Variants in WLS observed in about 807,000 individuals in gnomAD.
The protein encoded by WLS is Wnt ligand secretion mediator.
Under a neutral mutation model 62.8 loss-of-function variants are expected in WLS, and 23 were observed. The observed-to-expected ratio is 0.37, with a 90% CI of 0.26 to 0.52. The LOEUF (loss-of-function observed/expected upper bound fraction) is 0.52. Ranked by LOEUF, WLS falls within the 20% of genes least tolerant of loss-of-function variation. The pLI, the probability that WLS is intolerant of heterozygous loss-of-function variation, is 0.92. For missense variants in WLS, 615 were observed against 697.3 expected (o/e 0.88, Z 1.33); for synonymous variants, 246 against 244.1 (o/e 1.01, Z -0.07).
intron 2 of WLS, among the ~76,000 whole-genome samples, chr1:68,178,383 A>C (rs59393705): frequency 0.11 from 15,997 of 152,180 alleles, 1,154 homozygotes; most frequent in East Asian, 0.34. Flanking sequence ...AACAATGAAC[A>C]ACACAGTGTC....
intron 1 of WLS, among the ~76,000 whole-genome samples, chr1:68,230,430 C>T: frequency 6.6e-6 from 1 of 152,132 alleles, no homozygotes; most frequent in African/African-American, 2.4e-5. Context: ...TAATTGTAAC[C>T]GCTGCATAAT....
intron 5 of WLS, among the ~76,000 whole-genome samples, chr1:68,152,192 T>C (rs1570899332): frequency 1.3e-5 from 2 of 152,314 alleles, no homozygotes; most frequent in South Asian, 2.1e-4. Flanking sequence ...TCTTGGTACA[T>C]GTGACATTTT....
At chr1:68,174,505 G>A (rs1263221464) in intron 2 of WLS, among the ~76,000 whole-genome samples, 4 of 152,124 alleles carry the variant, frequency 2.6e-5, no homozygotes, top group Admixed American at 6.5e-5. Context: ...CTATAAAGAA[G>A]GTGGATGAAG....
intron 2 of WLS, among the ~76,000 whole-genome samples, chr1:68,182,592 GA>G (rs2100571696): frequency 6.6e-6 from 1 of 152,308 alleles, no homozygotes; most frequent in East Asian, 1.9e-4. Flanking sequence ...GCCTTGGTTT[GA>G]AGGGGCACAC....
chr1:68,149,734 G>A (rs1646800398), intron 6 of WLS, among the ~76,000 whole-genome samples: 1 of 152,166 alleles, frequency 6.6e-6, no homozygotes, highest in South Asian at 2.1e-4. Context: ...TGGACACATT[G>A]CCAGCTGGAA....
At chr1:68,230,594 T>C (rs917652097) in intron 1 of WLS, among the ~76,000 whole-genome samples, 16 of 151,650 alleles carry the variant, frequency 1.1e-4, no homozygotes, top group East Asian at 2.0e-4. Flanking sequence ...CGCGCGTGTG[T>C]GTGTGTGTGT....
rs531561104 is a variant in WLS at position 68,190,452 on chromosome 1, G to A, written c.379+3503C>T. On this transcript the variant is annotated intron_variant, in intron 2 of 11. Coordinates refer to ENST00000262348, the MANE Select transcript of WLS (RefSeq NM_024911.7). Reference sequence around the variant, plus strand: ...CTAACCAACAGAATACAGCAGAAGTGATGGAATGTCGTTTGCAAGATTCAG... The same window carrying A: ...CTAACCAACAGAATACAGCAGAAGTAATGGAATGTCGTTTGCAAGATTCAG... Among the ~76,000 whole-genome samples the A allele has an allele frequency of 9.8e-5, 15 of 152,350 alleles. No homozygotes were observed. In the South Asian group the frequency reaches 1.9e-3, roughly 19 times the overall value.
chr1:68,105,388 C>G (rs1428823355), intron 11 of WLS, among the ~76,000 whole-genome samples: 1 of 152,170 alleles, frequency 6.6e-6, no homozygotes, highest in Non-Finnish European at 1.5e-5. Context: ...ACACAATTTG[C>G]TAAATTCTCA....
chr1:68,194,045 G>C lies in WLS; in HGVS notation c.289C>G (p.Pro97Ala). 6.2e-7 allele frequency: 1 copy of C among 1,614,132 alleles called. No homozygotes were observed. Among genetic ancestry groups the C allele is most frequent in the Non-Finnish European group, 8.5e-7 (1 of 1,180,028 alleles). ...GGACTCATCTCCATGTGGGGGAGGGGAATGTGAACAGAAAACACGATGTCA... is the reference window on the plus strand; with the variant it reads ...GGACTCATCTCCATGTGGGGGAGGGCAATGTGAACAGAAAACACGATGTCA... ...ANDIVFSVHI[P>A]LPHMEMSPWF... is the part of the protein sequence containing the mutation. Residue 97 changes from proline (P) to alanine (A), a missense_variant, in exon 2 of 12, where the codon CCC (proline) becomes GCC (alanine). Pro to Ala is a conservative substitution (Grantham distance 27, BLOSUM62 -1). Coordinates refer to ENST00000262348, the MANE Select transcript of WLS (RefSeq NM_024911.7).
intron 2 of WLS, among the ~76,000 whole-genome samples, chr1:68,168,582 G>A (rs1279124189): frequency 3.3e-5 from 5 of 152,152 alleles, no homozygotes; most frequent in South Asian, 2.1e-4. Flanking sequence ...AGGAAATCAG[G>A]AATGATTTTA....
intron 1 of WLS, among the ~76,000 whole-genome samples, chr1:68,212,087 G>A (rs987492744): frequency 6.6e-6 from 1 of 151,900 alleles, no homozygotes; most frequent in African/African-American, 2.4e-5. Flanking sequence ...CCCCTTTTTT[G>A]ATCGCTGAGT....
At chr1:68,108,723 G>A (rs1201997779) in intron 11 of WLS, among the ~76,000 whole-genome samples, 4 of 152,074 alleles carry the variant, frequency 2.6e-5, no homozygotes, top group African/African-American at 9.7e-5. Context: ...GGAGCTAATG[G>A]TGACCATAAT....
At chr1:68,105,495 A>G (rs2100303177) in intron 11 of WLS, among the ~76,000 whole-genome samples, 1 of 152,356 alleles carries the variant, frequency 6.6e-6, no homozygotes, top group Admixed American at 6.5e-5. Context: ...CCAGAAAGAA[A>G]GAAATGGTTT....
chr1:68,101,792 G>T (rs187670933), intron 11 of WLS, among the ~76,000 whole-genome samples: 2 of 152,106 alleles, frequency 1.3e-5, no homozygotes, highest in Non-Finnish European at 2.9e-5. Context: ...CAAAATACAC[G>T]CTTATAAACA....
chr1:68,185,842 T>C (rs961279006), intron 2 of WLS, among the ~76,000 whole-genome samples: 1 of 152,222 alleles, frequency 6.6e-6, no homozygotes, highest in Non-Finnish European at 1.5e-5. Context: ...TTTGAGTTTT[T>C]ATGGAGGCTT....
chr1:68,147,138 C>T (rs1167864231), intron 8 of WLS, among the ~76,000 whole-genome samples: 1 of 152,142 alleles, frequency 6.6e-6, no homozygotes, highest in Non-Finnish European at 1.5e-5. Flanking sequence ...GCAGTTTCTC[C>T]TTCTTTCCTA....
intron 11 of WLS, among the ~76,000 whole-genome samples, chr1:68,100,491 A>G (rs1050577437): frequency 6.6e-6 from 1 of 152,220 alleles, no homozygotes; most frequent in East Asian, 1.9e-4. Context: ...ATGCAAACAC[A>G]TAGTAGAGTT....
chr1:68,146,823 C>T (rs1480459743), intron 8 of WLS, among the ~76,000 whole-genome samples: 1 of 152,104 alleles, frequency 6.6e-6, no homozygotes, highest in Admixed American at 6.5e-5. Flanking sequence ...CTTAGGATAG[C>T]GTGAGCTGCC....
At chr1:68,131,758 AGGGCC>A (rs1349995989) in intron 11 of WLS, among the ~76,000 whole-genome samples, 8 of 152,216 alleles carry the variant, frequency 5.3e-5, no homozygotes, top group African/African-American at 1.9e-4. Flanking sequence ...GTTTAGAGAT[AGGGCC>A]TTCTTAAAGA....
Sources: gnomAD v4.1 joint callset for allele counts (sites outside exome capture counted in the v4.1 genomes callset) on GRCh38, gnomAD v4.1.1 for gene constraint, MANE v1.5 for transcripts, NCBI Gene and HGNC (gene_info 2026-07-23, HGNC 2026-07-21) for gene names.